PKNOX2: variants seen among roughly 807,000 people sequenced by gnomAD.
The protein encoded by PKNOX2 is PBX/knotted 1 homeobox 2.
PKNOX2 carries 14 observed loss-of-function variants against 53.1 expected under a neutral mutation model. The observed-to-expected ratio is 0.26, with a 90% CI of 0.17 to 0.41. The LOEUF is 0.41. Among genes scored for constraint, PKNOX2 ranks in the 10% least tolerant of loss-of-function variants. PKNOX2 has a pLI of 1.00. For synonymous variants in PKNOX2, 257 were observed against 242.8 expected (o/e 1.06, Z -0.54); for missense variants, 496 against 602.8 (o/e 0.82, Z 1.85).
At chr11:125,289,244 G>A (rs1947141847) in intron 2 of PKNOX2, among the ~76,000 whole-genome samples, 1 of 152,210 alleles carries the variant, frequency 6.6e-6, no homozygotes, top group Non-Finnish European at 1.5e-5. Context: ...CCAAAATGGG[G>A]AGAAGGAGAT....
At chr11:125,369,741 C>T (rs985857333) in intron 5 of PKNOX2, among the ~76,000 whole-genome samples, 44 of 152,326 alleles carry the variant, frequency 2.9e-4, no homozygotes, top group African/African-American at 1.0e-3. Context: ...TGAGACTGCA[C>T]AGACACCTGT....
intron 6 of PKNOX2, among the ~76,000 whole-genome samples, chr11:125,388,667 C>T (rs1365548595): frequency 6.6e-6 from 1 of 152,040 alleles, no homozygotes; most frequent in African/African-American, 2.4e-5. Context: ...CCCCAACAAG[C>T]CCCGCATTTG....
chr11:125,289,097 C>A (rs547711907), intron 2 of PKNOX2, among the ~76,000 whole-genome samples: 1 of 152,336 alleles, frequency 6.6e-6, no homozygotes, highest in African/African-American at 2.4e-5. Flanking sequence ...CTAGGTGCTG[C>A]GGTGTAGAGA....
At chr11:125,302,859 C>T (rs1426070877) in intron 2 of PKNOX2, among the ~76,000 whole-genome samples, 2 of 152,342 alleles carry the variant, frequency 1.3e-5, no homozygotes, top group Middle Eastern at 3.4e-3. Flanking sequence ...AATACCTGAG[C>T]TGGGAGAATC....
intron 5 of PKNOX2, among the ~76,000 whole-genome samples, chr11:125,378,896 G>A (rs543205917): frequency 7.3e-5 from 11 of 151,594 alleles, no homozygotes; most frequent in African/African-American, 2.7e-4. Flanking sequence ...CTGAAGCTCT[G>A]TATTTTTGCA....
intron 2 of PKNOX2, among the ~76,000 whole-genome samples, chr11:125,263,076 T>TGGTGC (rs932771340): frequency 2.0e-5 from 3 of 152,170 alleles, no homozygotes; most frequent in African/African-American, 7.2e-5. Context: ...GCCAGTGGTG[T>TGGTGC]GGTGCTTCTA....
intron 5 of PKNOX2, among the ~76,000 whole-genome samples, chr11:125,381,689 C>A (rs1026558161): frequency 6.6e-6 from 1 of 152,164 alleles, no homozygotes; most frequent in Admixed American, 6.5e-5. Flanking sequence ...CACGAGGCAC[C>A]TCATGATCTG....
At chr11:125,393,566 C>A (rs754564578) in intron 6 of PKNOX2, among the ~76,000 whole-genome samples, 1 of 151,996 alleles carries the variant, frequency 6.6e-6, no homozygotes, top group African/African-American at 2.4e-5. Context: ...CACCATCAGG[C>A]GTGAATTGAG....
At chr11:125,417,210 CT>C (rs1163258303) in intron 10 of PKNOX2, among the ~76,000 whole-genome samples, 2 of 152,040 alleles carry the variant, frequency 1.3e-5, no homozygotes, top group African/African-American at 4.8e-5. Flanking sequence ...TACTCCACCC[CT>C]TCTGCTCCAG....
At chr11:125,266,142 G>A (rs980124281) in intron 2 of PKNOX2, among the ~76,000 whole-genome samples, 2 of 152,172 alleles carry the variant, frequency 1.3e-5, no homozygotes, top group Non-Finnish European at 2.9e-5. Flanking sequence ...TATGATAAAT[G>A]TGACAATGGC....
At chr11:125,385,028 C>T (rs1056944769) in intron 5 of PKNOX2, among the ~76,000 whole-genome samples, 2 of 152,164 alleles carry the variant, frequency 1.3e-5, no homozygotes, top group Middle Eastern at 3.2e-3. Flanking sequence ...CACATCTGCC[C>T]ACCACGTGTG....
At chr11:125,305,964 G>A (rs1948422499) in intron 2 of PKNOX2, among the ~76,000 whole-genome samples, 1 of 152,148 alleles carries the variant, frequency 6.6e-6, no homozygotes, top group South Asian at 2.1e-4. Context: ...TTAAAAGCCA[G>A]GTGTAAAATA....
At chr11:125,273,818 CT>C (rs1203552813) in intron 2 of PKNOX2, among the ~76,000 whole-genome samples, 1 of 152,158 alleles carries the variant, frequency 6.6e-6, no homozygotes, top group East Asian at 1.9e-4. Flanking sequence ...TTGTGTTTTG[CT>C]TTTACCGTAA....
At chr11:125,322,717 C>T (rs951451804) in intron 2 of PKNOX2, among the ~76,000 whole-genome samples, 3 of 152,190 alleles carry the variant, frequency 2.0e-5, no homozygotes, top group African/African-American at 4.8e-5. Context: ...CTGTGTCCCC[C>T]AGATCCCCCA....
intron 1 of PKNOX2, among the ~76,000 whole-genome samples, chr11:125,169,883 A>G (rs1394526108): frequency 6.6e-6 from 1 of 152,148 alleles, no homozygotes; most frequent in Non-Finnish European, 1.5e-5. Context: ...TCCAAAAACC[A>G]TCTACACTTT....
At position 125,197,826 on chromosome 11, in the gene PKNOX2, G is replaced by A. The variant is rs571480188; in HGVS notation, c.-201+33050G>A. Among the ~76,000 whole-genome samples the A allele has an allele frequency of 2.6e-3, 395 of 152,302 alleles. 2 individuals carry two copies. Among genetic ancestry groups the A allele is most frequent in the Middle Eastern group, 0.014 (4 of 294 alleles). ...ATGGCGTCCTGGTGATCTCAGGGTG[G>A]GTCATCTCGGTATCTGCTCCACTCT... On this transcript the variant is annotated intron_variant, in intron 1 of 12. Coordinates refer to ENST00000298282, the MANE Select transcript of PKNOX2 (RefSeq NM_001382323.2).
chr11:125,183,302 C>T lies in PKNOX2; in HGVS notation c.-201+18526C>T, dbSNP rs1393508786. On this transcript the variant is annotated intron_variant, in intron 1 of 12. Coordinates refer to ENST00000298282, the MANE Select transcript of PKNOX2 (RefSeq NM_001382323.2). ...TGCAATCTCGGCTCACTGCAAGCTC[C>T]GCTTCCCGGGTTCACGCCATTCTCC... Among the ~76,000 whole-genome samples the T allele has an allele frequency of 7.8e-5, 5 of 64,414 alleles. 1 individual carries two copies. The highest frequency in any genetic ancestry group is 1.1e-3 in the East Asian group (2 of 1,902). 42.3% of individuals were successfully genotyped at this position (64,414 alleles called of 152,430 possible).
intron 1 of PKNOX2, among the ~76,000 whole-genome samples, chr11:125,190,732 T>G (rs747191079): frequency 3.9e-4 from 60 of 152,186 alleles, no homozygotes; most frequent in Non-Finnish European, 7.3e-4. Flanking sequence ...TCACCACAGA[T>G]GCAAATCCGT....
chr11:125,353,127 C>T (rs947311350), intron 4 of PKNOX2, among the ~76,000 whole-genome samples: 1 of 152,194 alleles, frequency 6.6e-6, no homozygotes, highest in African/African-American at 2.4e-5. Context: ...GTGGGCTCCA[C>T]TTGTTTTGTG....
Sources: gnomAD v4.1 joint callset for allele counts (sites outside exome capture counted in the v4.1 genomes callset) on GRCh38, gnomAD v4.1.1 for gene constraint, MANE v1.5 for transcripts, NCBI Gene and HGNC (gene_info 2026-07-23, HGNC 2026-07-21) for gene names.